The following SLC14A2 variants were observed in gnomAD, a reference collection of about 807,000 sequenced individuals.
SLC14A2 encodes urea transporter 2.
SLC14A2 carries 91 observed loss-of-function variants against 104.6 expected under a neutral mutation model. That is an observed-to-expected ratio of 0.87 (90% CI 0.73 to 1.04). The LOEUF is 1.04. SLC14A2 is among the 50% of genes least tolerant of loss of function. The pLI is 0.00. For missense variants in SLC14A2, 1,189 were observed against 1,156.0 expected, an observed-to-expected ratio of 1.03 and a Z score of -0.41; for synonymous variants, 476 against 466.4, an observed-to-expected ratio of 1.02 and a Z score of -0.27.
At chr18:45,187,491 A>G in the SLC14A2 span, among the ~76,000 whole-genome samples, 3 of 152,212 alleles carry the variant, frequency 2.0e-5, no homozygotes, top group Non-Finnish European at 4.4e-5. Context: ...ACTATGATAT[A>G]TCCCCTAGGA....
intron 2 of SLC14A2, among the ~76,000 whole-genome samples, chr18:45,568,394 C>T (rs1219206095): frequency 2.0e-5 from 3 of 152,250 alleles, no homozygotes; most frequent in African/African-American, 7.2e-5. Context: ...TCCTTGCCTT[C>T]AGGGGACGTG....
At chr18:45,248,736 G>A (rs942714477) in intron 1 of SLC14A2, among the ~76,000 whole-genome samples, 1 of 152,188 alleles carries the variant, frequency 6.6e-6, no homozygotes, top group African/African-American at 2.4e-5. Context: ...AAGTGACTTG[G>A]ATGTTTGAAA....
the SLC14A2 span, among the ~76,000 whole-genome samples, chr18:45,194,766 C>G: frequency 6.6e-6 from 1 of 151,296 alleles, no homozygotes; most frequent in Non-Finnish European, 1.5e-5. Flanking sequence ...CTGCCTCAGC[C>G]TCCCGAGTAG....
chr18:45,573,575 G>C (rs1245886229), intron 2 of SLC14A2, among the ~76,000 whole-genome samples: 1 of 152,162 alleles, frequency 6.6e-6, no homozygotes, highest in Non-Finnish European at 1.5e-5. Context: ...AATGAATTCA[G>C]GCATTATACA....
intron 1 of SLC14A2, among the ~76,000 whole-genome samples, chr18:45,427,721 C>T (rs2542970): frequency 0.83 from 126,725 of 152,092 alleles, 52,766 homozygotes; most frequent in South Asian, 0.89. Context: ...TAAATGGGAT[C>T]AGAAATGTGA....
At position 45,593,730 on chromosome 18, in the gene SLC14A2, C is replaced by T. The variant is rs527619325; in HGVS notation, c.-34-30901C>T. ...GGTCTCGATCTCCTGACCTCTTGAT[C>T]CGTCCACCTCGGCCTCCCAAAGTGC... On this transcript the variant is annotated intron_variant, in intron 2 of 20. Transcript: ENST00000586448. Among the ~76,000 whole-genome samples, 44 of 152,148 alleles carry T rather than the reference C, an allele frequency of 2.9e-4. 1 individual carries two copies. The South Asian group carries it at 7.9e-3, about 27-fold the overall frequency.
rs112476949 is a variant in SLC14A2, at chr18:45,673,677, T to C, written c.2378-6T>C. The C allele has an allele frequency of 2.7e-5, 43 of 1,613,494 alleles. No individual in the cohort carries two copies. In the African/African-American group the frequency reaches 4.3e-4, roughly 16 times the overall value. ...ACCCAACCCTGATGCCTGCCTTCTG[T>C]CACAGCACTCACTATTGCGACGCCC... On this transcript the variant is annotated splice_polypyrimidine_tract_variant and splice_region_variant and intron_variant, in intron 17 of 19. Coordinates refer to ENST00000255226, the MANE Select transcript of SLC14A2 (RefSeq NM_007163.4).
At chr18:45,479,476 G>A (rs183135777) in intron 1 of SLC14A2, among the ~76,000 whole-genome samples, 1 of 152,072 alleles carries the variant, frequency 6.6e-6, no homozygotes, top group African/African-American at 2.4e-5. Context: ...TACTTCCCAG[G>A]GCTTGTCATG....
rs5824588 is a variant in SLC14A2 at position 45,440,218 on chromosome 18, GT to G, written c.-124-43002del. On this transcript the variant is annotated intron_variant, in intron 1 of 20. Transcript: ENST00000586448. ...CTGTTTCAGAGAAATCATTTTTCAA[GT>G]TTTTTTTTTTTTAATTTTCTTCATG... Among the ~76,000 whole-genome samples, 382 of 148,762 alleles carry G rather than the reference GT, an allele frequency of 2.6e-3. 1 individual carries two copies. The highest frequency in any genetic ancestry group is 6.9e-3 in the African/African-American group (279 of 40,474).
chr18:45,624,868 G>C lies in SLC14A2; in HGVS notation c.150+54G>C, dbSNP rs540533237. ...CTGGGAGGGAGGGGATGGGAAAAGT[G>C]GGGGCAAAAGATGCCGCTTTCCCAC... On this transcript the variant is annotated intron_variant, in intron 2 of 19. Transcript: ENST00000255226. 4 of 1,539,240 alleles carry C rather than the reference G, an allele frequency of 2.6e-6. No homozygotes were observed. In the African/African-American group the frequency reaches 4.1e-5, roughly 16 times the overall value.
intron 1 of SLC14A2, among the ~76,000 whole-genome samples, chr18:45,250,398 T>C (rs1445653250): frequency 1.3e-5 from 2 of 152,198 alleles, no homozygotes; most frequent in African/African-American, 4.8e-5. Context: ...GTGATTGTCA[T>C]ACATAGCCTA....
intron 1 of SLC14A2, among the ~76,000 whole-genome samples, chr18:45,224,559 A>G (rs1170161929): frequency 6.6e-6 from 1 of 151,978 alleles, no homozygotes; most frequent in East Asian, 1.9e-4. Context: ...CTTGGTCTTC[A>G]ATGAGTGCTG....
chr18:45,277,808 C>T (rs554865404), intron 1 of SLC14A2, among the ~76,000 whole-genome samples: 1 of 152,306 alleles, frequency 6.6e-6, no homozygotes, highest in South Asian at 2.1e-4. Context: ...AAGAAGCACA[C>T]AAAAATGTGC....
the SLC14A2 span, among the ~76,000 whole-genome samples, chr18:45,187,501 A>G: frequency 6.6e-6 from 1 of 152,138 alleles, no homozygotes; most frequent in Non-Finnish European, 1.5e-5. Flanking sequence ...ATCCCCTAGG[A>G]TACTCCTTTT....
intron 1 of SLC14A2, among the ~76,000 whole-genome samples, chr18:45,443,241 G>C (rs184763251): frequency 3.9e-5 from 6 of 152,206 alleles, no homozygotes; most frequent in African/African-American, 7.2e-5. Flanking sequence ...ATAAATGTGT[G>C]TGATCATAGT....
chr18:45,238,984 G>C (rs1461312218), intron 1 of SLC14A2, among the ~76,000 whole-genome samples: 1 of 152,136 alleles, frequency 6.6e-6, no homozygotes, highest in Non-Finnish European at 1.5e-5. Flanking sequence ...GACACTATTA[G>C]CATATGAAGG....
chr18:45,388,136 C>T (rs112206851), intron 1 of SLC14A2, among the ~76,000 whole-genome samples: 200 of 126,492 alleles, frequency 1.6e-3, no homozygotes, highest in African/African-American at 5.6e-3. Flanking sequence ...AGTGCAGTGG[C>T]GAGATCTCGG....
chr18:45,308,597 G>C (rs530065462), intron 1 of SLC14A2, among the ~76,000 whole-genome samples: 68 of 152,272 alleles, frequency 4.5e-4, no homozygotes, highest in Middle Eastern at 3.4e-3. Context: ...TGCCCGGAGG[G>C]AGGATGCCTG....
At chr18:45,449,020 G>A (rs977555835) in intron 1 of SLC14A2, among the ~76,000 whole-genome samples, 9 of 152,214 alleles carry the variant, frequency 5.9e-5, no homozygotes, top group Non-Finnish European at 1.2e-4. Flanking sequence ...AGCAGAGGAA[G>A]GTGCAGCCAG....
Sources: gnomAD v4.1 joint callset for allele counts (sites outside exome capture counted in the v4.1 genomes callset) on GRCh38, gnomAD v4.1.1 for gene constraint, MANE v1.5 for transcripts, NCBI Gene and HGNC (gene_info 2026-07-23, HGNC 2026-07-21) for gene names.